LEMD3: variants seen among roughly 807,000 people sequenced by gnomAD.
The protein encoded by LEMD3 is inner nuclear membrane protein Man1.
LEMD3 carries 33 observed loss-of-function variants against 95.2 expected under a neutral mutation model. The ratio of observed to expected loss-of-function variants is 0.35; its 90% CI spans 0.26 to 0.46. The LOEUF is 0.46. Ranked by LOEUF, LEMD3 falls within the 20% of genes least tolerant of loss-of-function variation. LEMD3 has a pLI of 1.00. For missense variants in LEMD3, 1,210 were observed against 1,192.8 expected (o/e 1.01, Z -0.21); for synonymous variants, 525 against 474.6 (o/e 1.11, Z -1.38).
intron 4 of LEMD3, among the ~76,000 whole-genome samples, chr12:65,223,230 TA>T (rs1186934178): frequency 2.0e-5 from 3 of 152,078 alleles, no homozygotes; most frequent in Non-Finnish European, 4.4e-5. Flanking sequence ...TTAGAATTGT[TA>T]AATCTTCCAG....
chr12:65,193,850 C>A (rs1019446800), intron 1 of LEMD3, among the ~76,000 whole-genome samples: 1 of 151,316 alleles, frequency 6.6e-6, no homozygotes, highest in Admixed American at 6.6e-5. Flanking sequence ...GGAAACTGGA[C>A]GTTGCACTTT....
Position 65,243,462 on chromosome 12 carries a change from C to T in LEMD3, c.2380C>T (p.Pro794Ser). 6.4e-7 allele frequency: 1 copy of T among 1,570,486 alleles called. No individual in the cohort carries two copies. Among genetic ancestry groups the T allele is most frequent in the African/African-American group, 1.3e-5 (1 of 74,094 alleles). The change falls in exon 10 of 13, where the codon CCC becomes TCC. Residue 794 changes from proline (P) to serine (S), a missense_variant. Pro to Ser is a moderately conservative substitution (Grantham distance 74). Coordinates refer to ENST00000308330, the MANE Select transcript of LEMD3 (RefSeq NM_014319.5). ...PCLKIRNMFD[P>S]VMEIGDQWHL... ...TCTAAAGATTCGGAATATGTTTGAT[C>T]CCGTTATGTAAGTATTATGATCAGG...
At chr12:65,199,171 G>A (rs1369729102) in intron 1 of LEMD3, among the ~76,000 whole-genome samples, 1 of 152,022 alleles carries the variant, frequency 6.6e-6, no homozygotes, top group Non-Finnish European at 1.5e-5. Context: ...TTCAGTTTTA[G>A]TTACTGATCA....
At chr12:65,215,029 A>T (rs983353089) in intron 2 of LEMD3, among the ~76,000 whole-genome samples, 3 of 152,138 alleles carry the variant, frequency 2.0e-5, no homozygotes, top group Admixed American at 2.0e-4. Context: ...CCTGATGCAC[A>T]AGTCTGTTTT....
chr12:65,188,072 GT>G, intron 1 of LEMD3, among the ~76,000 whole-genome samples: 1 of 152,138 alleles, frequency 6.6e-6, no homozygotes, highest in East Asian at 1.9e-4. Context: ...TATGAATCAA[GT>G]TTTTTGAAGT....
At position 65,170,369 on chromosome 12, in the gene LEMD3, A is replaced by C; in HGVS notation, c.773A>C (p.Tyr258Ser). 1 of 1,613,472 alleles carries C rather than the reference A, an allele frequency of 6.2e-7. No homozygotes were observed. Among genetic ancestry groups the C allele is most frequent in the Non-Finnish European group, 8.5e-7 (1 of 1,179,716 alleles). ...GTCCCCTACAGCTGCCGGGAAAACT[A>C]TTCGGACTCAGAGGAAGAGGACGAC... ...RLVPYSCREN[Y>S]SDSEEEDDDD... Residue 258 changes from tyrosine (Y) to serine (S), a missense_variant, in exon 1 of 13, where the codon TAT becomes TCT. Coordinates refer to ENST00000308330, the MANE Select transcript of LEMD3 (RefSeq NM_014319.5).
chr12:65,186,285 T>C (rs938476986), intron 1 of LEMD3, among the ~76,000 whole-genome samples: 1 of 152,106 alleles, frequency 6.6e-6, no homozygotes, highest in Non-Finnish European at 1.5e-5. Flanking sequence ...CTAAATGATA[T>C]AACTTGCGGA....
intron 1 of LEMD3, among the ~76,000 whole-genome samples, chr12:65,202,032 A>G (rs548447626): frequency 9.0e-5 from 11 of 122,202 alleles, no homozygotes; most frequent in African/African-American, 3.2e-4. Context: ...TTTTTTTGAG[A>G]TGGAATTTTG....
chr12:65,182,980 T>C (rs925065086), intron 1 of LEMD3, among the ~76,000 whole-genome samples: 2 of 152,174 alleles, frequency 1.3e-5, no homozygotes, highest in African/African-American at 2.4e-5. Context: ...ATATTAATAG[T>C]ACTTAAATTA....
chr12:65,239,897 T>C (rs1437705687), intron 6 of LEMD3, 32 bp from the exon 7 acceptor site: 1 of 1,441,690 alleles, frequency 6.9e-7, no homozygotes, highest in South Asian at 1.2e-5. Flanking sequence ...TTGACCACAA[T>C]TTTTAAAATA....
intron 1 of LEMD3, among the ~76,000 whole-genome samples, chr12:65,178,729 C>T (rs1868807553): frequency 6.6e-6 from 1 of 152,142 alleles, no homozygotes. Flanking sequence ...AGAAGTAACT[C>T]GCCCAGGGTC....
At chr12:65,220,022 A>T (rs1050491457) in intron 4 of LEMD3, among the ~76,000 whole-genome samples, 4 of 152,210 alleles carry the variant, frequency 2.6e-5, no homozygotes, top group African/African-American at 7.2e-5. Flanking sequence ...CAATGCAAGT[A>T]CTTCTTTGAG....
At position 65,245,867 on chromosome 12, in the gene LEMD3, G is replaced by A; in HGVS notation, c.2500G>A (p.Val834Ile). ...TTCTTTTTTAATATCACAGGGTTGTGTATATGTTAAATGTCTGTCTCCAGA... is the reference window on the plus strand; with the variant it reads ...TTCTTTTTTAATATCACAGGGTTGTATATATGTTAAATGTCTGTCTCCAGA... ...AVDKNSREGC[V>I]YVKCLSPEYA... The change falls in exon 12 of 13, where the codon GTA becomes ATA. Residue 834 changes from valine (V) to isoleucine (I), a missense_variant. Physicochemically the swap from Val to Ile is conservative, Grantham distance 29. This residue lies in a region of LEMD3 where 461 missense variants were observed against 569.8 expected (regional missense o/e 0.81). Transcript: ENST00000308330. 2 of 1,611,198 alleles carry A rather than the reference G, an allele frequency of 1.2e-6. No homozygotes were observed. The highest frequency in any genetic ancestry group is 8.5e-7 in the Non-Finnish European group (1 of 1,177,648).
intron 4 of LEMD3, among the ~76,000 whole-genome samples, chr12:65,225,351 T>C (rs373842628): frequency 2.0e-5 from 3 of 152,200 alleles, no homozygotes; most frequent in Non-Finnish European, 4.4e-5. Context: ...CTTTGTAGAC[T>C]TTGTGTGGGG....
intron 1 of LEMD3, among the ~76,000 whole-genome samples, chr12:65,181,896 T>C (rs1868915841): frequency 6.6e-6 from 1 of 151,816 alleles, no homozygotes; most frequent in South Asian, 2.1e-4. Context: ...CAGAAGTGTT[T>C]TGTTTTTTTT....
chr12:65,205,631 C>T (rs1352449229), intron 1 of LEMD3, among the ~76,000 whole-genome samples: 2 of 152,090 alleles, frequency 1.3e-5, no homozygotes, highest in African/African-American at 4.8e-5. Context: ...CAAACAAGGA[C>T]AGGTGAAAAT....
chr12:65,210,896 A>G, intron 1 of LEMD3, 30 bp from the exon 2 acceptor site: 2 of 1,533,214 alleles, frequency 1.3e-6, no homozygotes, highest in Non-Finnish European at 1.8e-6. Flanking sequence ...AAGTGATGCT[A>G]ATACTTGTCT....
intron 5 of LEMD3, 36 bp from the exon 6 acceptor site, chr12:65,238,633 T>C: frequency 2.5e-6 from 4 of 1,613,706 alleles, no homozygotes; most frequent in Non-Finnish European, 3.4e-6. Context: ...GAAATGGTTT[T>C]TGACTTTAAA....
intron 4 of LEMD3, among the ~76,000 whole-genome samples, chr12:65,220,795 A>G (rs1870261401): frequency 6.6e-6 from 1 of 152,210 alleles, no homozygotes; most frequent in African/African-American, 2.4e-5. Flanking sequence ...GTGGAAATCC[A>G]GTTTTCCTAG....
Sources: allele counts gnomAD v4.1 joint callset (sites outside exome capture counted in the v4.1 genomes callset), GRCh38; gene constraint gnomAD v4.1.1; regional missense constraint gnomAD v4.1.1; transcripts MANE v1.5; gene names NCBI Gene and HGNC (gene_info 2026-07-23, HGNC 2026-07-21).